DLG1: variants seen among roughly 807,000 people sequenced by gnomAD.
DLG1 encodes disks large homolog 1.
In DLG1, 42 loss-of-function variants were observed where a neutral mutation model predicts 123.4. The observed-to-expected ratio is 0.34, with a 90% CI of 0.27 to 0.44. The LOEUF (loss-of-function observed/expected upper bound fraction) is 0.44. Among genes scored for constraint, DLG1 ranks in the 20% least tolerant of loss-of-function variants. The pLI, the probability that DLG1 is intolerant of heterozygous loss-of-function variation, is 1.00. For missense variants in DLG1, 942 were observed against 1,082.6 expected, an observed-to-expected ratio of 0.87 and a Z score of 1.82; for synonymous variants, 317 against 356.2, an observed-to-expected ratio of 0.89 and a Z score of 1.24.
chr3:197,091,101 G>C lies in DLG1; in HGVS notation c.1547-75C>G, dbSNP rs141536190. The C allele has an allele frequency of 8.1e-4, 789 of 978,566 alleles. 1 individual carries two copies. The highest frequency in any genetic ancestry group is 1.1e-3 in the Non-Finnish European group (714 of 625,026). The allele number at this position is 978,566 out of a possible 1,614,324, so 60.6% of individuals were successfully genotyped here. A position where few individuals can be genotyped will look rare whatever the true frequency, so the allele number is the denominator to read the frequency against. ...TATTTGAAGATAACGTATTAAATAT[G>C]TAAACTGTCCTATAATTGATTAAAT... On this transcript the variant is annotated intron_variant, in intron 14 of 24. Coordinates refer to ENST00000667157, the MANE Select transcript of DLG1 (RefSeq NM_001366207.1).
chr3:197,234,000 A>G (rs1437939395), intron 4 of DLG1, among the ~76,000 whole-genome samples: 1 of 152,238 alleles, frequency 6.6e-6, no homozygotes, highest in Non-Finnish European at 1.5e-5. Context: ...TTGAAACAGC[A>G]TCTTAGGTGG....
In DLG1 at chr3:197,261,816, C is replaced by T. The variant is rs114432692; in HGVS notation, c.318+20863G>A. On this transcript the variant is annotated intron_variant, in intron 4 of 24. Transcript: ENST00000667157. ...TTTATTTAAAGCCTAACAGGGTATA[C>T]TTGAGACAGGCCCAATGGGACTTTA... 4.4e-3 allele frequency among the ~76,000 whole-genome samples: 672 copies of T among 152,246 alleles called. 5 individuals carry two copies. The highest frequency in any genetic ancestry group is 0.016 in the African/African-American group (651 of 41,564).
At chr3:197,288,743 A>AAAACAAACATACATAC (rs1553827364) in intron 3 of DLG1, among the ~76,000 whole-genome samples, 1 of 72,100 alleles carries the variant, frequency 1.4e-5, no homozygotes, top group Non-Finnish European at 2.4e-5. Context: ...AAAAAAAAAA[A>AAAACAAACATACATAC]ATACATACAT....
intron 5 of DLG1, among the ~76,000 whole-genome samples, chr3:197,174,420 TAA>T (rs1219169918): frequency 6.6e-6 from 1 of 152,134 alleles, no homozygotes; most frequent in Non-Finnish European, 1.5e-5. Flanking sequence ...TATCTTTAAT[TAA>T]AAAGTCTATA....
intron 5 of DLG1, among the ~76,000 whole-genome samples, chr3:197,172,202 AATGT>A (rs1804564383): frequency 1.3e-5 from 2 of 152,132 alleles, no homozygotes; most frequent in African/African-American, 4.8e-5. Context: ...GCTGCAGTAT[AATGT>A]ATTACATTTG....
At chr3:197,269,575 T>G (rs1272478170) in intron 4 of DLG1, among the ~76,000 whole-genome samples, 3 of 152,228 alleles carry the variant, frequency 2.0e-5, no homozygotes, top group African/African-American at 7.2e-5. Context: ...TCTTGAAGCC[T>G]GAAGTTCTGA....
intron 11 of DLG1, among the ~76,000 whole-genome samples, chr3:197,121,010 C>T (rs1579662049): frequency 6.6e-6 from 1 of 152,242 alleles, no homozygotes; most frequent in East Asian, 1.9e-4. Flanking sequence ...TGTTAAAAAT[C>T]CAGAGTTTAC....
intron 18 of DLG1, among the ~76,000 whole-genome samples, chr3:197,072,859 G>A (rs1314316182): frequency 1.3e-5 from 2 of 152,078 alleles, no homozygotes. Context: ...ACCATGCCTT[G>A]CTAATTTTTG....
At chr3:197,288,039 A>C (rs1180630539) in intron 3 of DLG1, among the ~76,000 whole-genome samples, 1 of 152,090 alleles carries the variant, frequency 6.6e-6, no homozygotes, top group Non-Finnish European at 1.5e-5. Flanking sequence ...TACAAACCTA[A>C]ATGCTCCTAG....
At chr3:197,127,482 A>ATATG (rs1780255381) in intron 11 of DLG1, among the ~76,000 whole-genome samples, 2 of 106,852 alleles carry the variant, frequency 1.9e-5, no homozygotes, top group Non-Finnish European at 3.8e-5. Flanking sequence ...ATATATATAT[A>ATATG]TATATATATA....
At chr3:197,276,668 T>C (rs1172945601) in intron 4 of DLG1, among the ~76,000 whole-genome samples, 1 of 152,142 alleles carries the variant, frequency 6.6e-6, no homozygotes. Context: ...ATTAATCCTT[T>C]TTCATATATG....
chr3:197,173,463 G>T (rs1805316098), intron 5 of DLG1, among the ~76,000 whole-genome samples: 2 of 152,094 alleles, frequency 1.3e-5, no homozygotes, highest in African/African-American at 4.8e-5. Flanking sequence ...GCCCAAGGTG[G>T]CACAGGCGAT....
intron 14 of DLG1, 144 bp downstream of exon 14, chr3:197,104,759 C>T: frequency 1.6e-6 from 1 of 634,020 alleles, no homozygotes; most frequent in South Asian, 1.9e-5. Flanking sequence ...TAGGTTCAGA[C>T]TAAACAAATA....
intron 5 of DLG1, among the ~76,000 whole-genome samples, chr3:197,187,243 A>G (rs1043246638): frequency 2.0e-5 from 3 of 152,174 alleles, no homozygotes; most frequent in Non-Finnish European, 4.4e-5. Flanking sequence ...TCATGTTTCT[A>G]TATGTTCCAG....
At chr3:197,163,641 C>A (rs903610901) in intron 5 of DLG1, among the ~76,000 whole-genome samples, 1 of 151,236 alleles carries the variant, frequency 6.6e-6, no homozygotes, top group African/African-American at 2.4e-5. Context: ...TCTGCCTCAG[C>A]CTCCCAAGTA....
In DLG1 at chr3:197,296,446, T is replaced by C; in HGVS notation, c.51A>G (p.Glu17=). Residue 17 remains glutamate, a synonymous_variant, in exon 3 of 25, where the codon GAA becomes GAG. Transcript: ENST00000667157. ...CAGTTTGGCTTAGTTTTGAACGATA[T>C]TCCTCCAAAAGGTGCAATGCTCTCT... ...DTQRALHLLE[E]YRSKLSQTED... is the part of the protein sequence containing the mutation. 1.2e-6 allele frequency: 2 copies of C among 1,613,662 alleles called. No individual in the cohort carries two copies. Among genetic ancestry groups the C allele is most frequent in the Non-Finnish European group, 1.7e-6 (2 of 1,179,626 alleles).
intron 4 of DLG1, among the ~76,000 whole-genome samples, chr3:197,234,317 T>C (rs771314854): frequency 1.3e-5 from 2 of 152,122 alleles, no homozygotes; most frequent in African/African-American, 4.8e-5. Flanking sequence ...TCAAACCAAA[T>C]TGAGTGTAAA....
At chr3:197,126,056 C>A (rs1778910360) in intron 11 of DLG1, among the ~76,000 whole-genome samples, 1 of 152,204 alleles carries the variant, frequency 6.6e-6, no homozygotes, top group Non-Finnish European at 1.5e-5. Flanking sequence ...TACAACGAAA[C>A]CCACATCTAC....
At chr3:197,179,822 T>C (rs1305511920) in intron 5 of DLG1, among the ~76,000 whole-genome samples, 3 of 152,256 alleles carry the variant, frequency 2.0e-5, no homozygotes, top group African/African-American at 7.2e-5. Flanking sequence ...ACAAACAATA[T>C]TTTTTAAAGT....
Sources: gnomAD v4.1 joint callset for allele counts (sites outside exome capture counted in the v4.1 genomes callset) on GRCh38, gnomAD v4.1.1 for gene constraint, MANE v1.5 for transcripts, NCBI Gene and HGNC (gene_info 2026-07-23, HGNC 2026-07-21) for gene names.